Variants in GPHN observed in about 807,000 individuals in gnomAD.
GPHN encodes the protein gephyrin.
In GPHN, 17 loss-of-function variants were observed where a neutral mutation model predicts 95.5. That is an observed-to-expected ratio of 0.18 (90% CI 0.12 to 0.27). GPHN has a LOEUF of 0.27. GPHN is among the 10% of genes least tolerant of loss of function. The probability of loss-of-function intolerance (pLI) is 1.00; values close to 1 mark genes in which losing one functional copy is unlikely to be tolerated. For synonymous variants in GPHN, 320 were observed against 322.5 expected (o/e 0.99, Z 0.08); for missense variants, 660 against 978.1 (o/e 0.67, Z 4.34).
At chr14:67,724,412 C>T in the GPHN span, 43 of 784,918 alleles carry the variant, frequency 5.5e-5, no homozygotes, top group Non-Finnish European at 7.9e-5. Flanking sequence ...TTTTTTTTAA[C>T]GTATCTTAGT....
At chr14:67,326,276 T>A in the GPHN span, among the ~76,000 whole-genome samples, 1 of 132,374 alleles carries the variant, frequency 7.6e-6, no homozygotes, top group Non-Finnish European at 1.6e-5. Flanking sequence ...AGATTCTATA[T>A]GTCACCCAGA....
chr14:67,725,244 C>T, the GPHN span: 1 of 1,613,146 alleles, frequency 6.2e-7, no homozygotes, highest in Non-Finnish European at 8.5e-7. Context: ...TTGCTGAGGG[C>T]TTTCTGGCAG....
At chr14:67,479,410 C>CAA in the GPHN span, among the ~76,000 whole-genome samples, 1,102 of 125,938 alleles carry the variant, frequency 8.8e-3, 9 homozygotes, top group Middle Eastern at 0.04. Flanking sequence ...GACTCTGTCT[C>CAA]AAAAAAAAAA....
chr14:66,883,210 C>A (rs750198551), intron 5 of GPHN, among the ~76,000 whole-genome samples: 22 of 151,638 alleles, frequency 1.5e-4, no homozygotes, highest in Non-Finnish European at 1.2e-4. Context: ...TTTTTAAAAT[C>A]TTTTTTACTC....
the GPHN span, among the ~76,000 whole-genome samples, chr14:67,325,564 A>G: frequency 6.6e-6 from 1 of 152,182 alleles, no homozygotes; most frequent in Non-Finnish European, 1.5e-5. Context: ...TAACAAGAGA[A>G]ACGAGATTAA....
the GPHN span, among the ~76,000 whole-genome samples, chr14:67,370,881 C>T: frequency 2.6e-5 from 4 of 151,750 alleles, no homozygotes; most frequent in Admixed American, 6.6e-5. Context: ...AAAAATTACC[C>T]AGGCATGGTG....
In GPHN at chr14:66,662,813, A is replaced by G. The variant is rs558844919; in HGVS notation, c.65-18294A>G. ...TGATAGCGCTGAAGAAAACAACAGAAGAAGTTCATAATGTAATTCCAAGTA... is the reference window on the plus strand; with the variant it reads ...TGATAGCGCTGAAGAAAACAACAGAGGAAGTTCATAATGTAATTCCAAGTA... On this transcript the variant is annotated intron_variant, in intron 1 of 22. Transcript: ENST00000478722. Among the ~76,000 whole-genome samples, 30 of 152,364 alleles carry G rather than the reference A, an allele frequency of 2.0e-4. No homozygotes were observed. In the South Asian group the frequency reaches 4.8e-3, roughly 24 times the overall value.
At chr14:67,262,062 C>T in the GPHN span, among the ~76,000 whole-genome samples, 3 of 152,106 alleles carry the variant, frequency 2.0e-5, no homozygotes, top group Non-Finnish European at 2.9e-5. Flanking sequence ...AGTTAATGTT[C>T]TATTGCTTCT....
chr14:66,670,381 C>T (rs1310112159), intron 1 of GPHN, among the ~76,000 whole-genome samples: 3 of 152,186 alleles, frequency 2.0e-5, no homozygotes, highest in African/African-American at 4.8e-5. Flanking sequence ...AATCAATTTG[C>T]ATCCTCTCTG....
chr14:67,651,119 G>C, the GPHN span: 1 of 908,668 alleles, frequency 1.1e-6, no homozygotes, highest in Non-Finnish European at 1.6e-6. Flanking sequence ...GCAGTTCACA[G>C]GGTATTAATA....
chr14:67,231,953 G>A, the GPHN span, among the ~76,000 whole-genome samples: 1 of 150,048 alleles, frequency 6.7e-6, no homozygotes, highest in Non-Finnish European at 1.5e-5. Context: ...TGGGTGACAG[G>A]GTGAGACTGT....
At chr14:67,281,710 AAT>A in the GPHN span, among the ~76,000 whole-genome samples, 1 of 152,204 alleles carries the variant, frequency 6.6e-6, no homozygotes, top group African/African-American at 2.4e-5. Context: ...TAAAGAAACA[AAT>A]ATAGCTTCAG....
At chr14:66,598,920 G>T (rs1228701208) in intron 1 of GPHN, among the ~76,000 whole-genome samples, 1 of 151,984 alleles carries the variant, frequency 6.6e-6, no homozygotes, top group Admixed American at 6.6e-5. Flanking sequence ...CTAAACACTG[G>T]GATAGTTTGG....
intron 1 of GPHN, among the ~76,000 whole-genome samples, chr14:66,569,539 T>C (rs534507507): frequency 6.6e-6 from 1 of 151,954 alleles, no homozygotes; most frequent in South Asian, 2.1e-4. Flanking sequence ...GGGGGGCCCC[T>C]GTAATCCCAG....
chr14:66,654,392 T>A (rs188490776), intron 1 of GPHN, among the ~76,000 whole-genome samples: 3 of 152,104 alleles, frequency 2.0e-5, no homozygotes, highest in African/African-American at 7.2e-5. Flanking sequence ...ACCACGCCTG[T>A]TCTTATTATG....
chr14:66,949,725 T>C (rs1441683639), intron 8 of GPHN, among the ~76,000 whole-genome samples: 2 of 152,160 alleles, frequency 1.3e-5, no homozygotes, highest in East Asian at 3.9e-4. Flanking sequence ...GCAACTTTGC[T>C]TTAAGTTTAA....
intron 2 of GPHN, among the ~76,000 whole-genome samples, chr14:66,723,700 CCTA>C (rs1430592481): frequency 6.6e-6 from 1 of 151,900 alleles, no homozygotes; most frequent in Non-Finnish European, 1.5e-5. Flanking sequence ...GATGAGTAAA[CCTA>C]AGTGGAAAAC....
the GPHN span, chr14:67,359,741 G>A: frequency 2.5e-6 from 4 of 1,612,132 alleles, no homozygotes; most frequent in Non-Finnish European, 3.4e-6. Context: ...CCGGGCAACC[G>A]AGGCTGCAAT....
chr14:66,990,909 C>A (rs2071374430), intron 9 of GPHN, among the ~76,000 whole-genome samples: 1 of 151,562 alleles, frequency 6.6e-6, no homozygotes, highest in Non-Finnish European at 1.5e-5. Flanking sequence ...GGTTTGACAT[C>A]ATTCAGAAGT....
Sources: gnomAD v4.1 joint callset for allele counts (sites outside exome capture counted in the v4.1 genomes callset) on GRCh38, gnomAD v4.1.1 for gene constraint, MANE v1.5 for transcripts, NCBI Gene and HGNC (gene_info 2026-07-23, HGNC 2026-07-21) for gene names.